The following HRK variants were observed in gnomAD, a reference collection of about 807,000 sequenced individuals.
HRK encodes activator of apoptosis harakiri.
HRK carries 6 observed loss-of-function variants against 5.9 expected under a neutral mutation model. The observed-to-expected ratio is 1.02, with a 90% CI of 0.56 to 2.01. The LOEUF (loss-of-function observed/expected upper bound fraction) is 2.01, where lower values mean the gene tolerates loss of function less well. HRK is among the 30% of genes most tolerant of loss of function. The pLI, the probability that HRK is intolerant of heterozygous loss-of-function variation, is 0.00. For synonymous variants in HRK, 85 were observed against 65.1 expected, an observed-to-expected ratio of 1.31 and a Z score of -1.47; for missense variants, 133 against 128.3, an observed-to-expected ratio of 1.04 and a Z score of -0.18.
chr12:116,871,131 T>C (rs1321798584), intron 1 of HRK, among the ~76,000 whole-genome samples: 6 of 149,238 alleles, frequency 4.0e-5, no homozygotes. Flanking sequence ...TGTTTTGTTT[T>C]GTTTTAGTAG....
At chr12:116,875,522 T>C (rs1878894803) in intron 1 of HRK, among the ~76,000 whole-genome samples, 1 of 152,124 alleles carries the variant, frequency 6.6e-6, no homozygotes, top group Non-Finnish European at 1.5e-5. Flanking sequence ...ATAGTGACTA[T>C]GTTGCATAGT....
At position 116,861,345 on chromosome 12, in the gene HRK, C is replaced by A. The variant is rs1451637408; in HGVS notation, c.*178G>T. On this transcript the variant is annotated 3_prime_UTR_variant, in exon 2 of 2. Transcript: ENST00000257572. ...CCCATTCTGTGTTTCTACGATCGCTCCAGGCGCTGTCTTTACTCTCCACTT... is the reference window on the plus strand; with the variant it reads ...CCCATTCTGTGTTTCTACGATCGCTACAGGCGCTGTCTTTACTCTCCACTT... The A allele has an allele frequency of 1.3e-5, 2 of 152,218 alleles. No individual in the cohort carries two copies. The highest frequency in any genetic ancestry group is 4.8e-5 in the African/African-American group (2 of 41,448). 9.4% of individuals were successfully genotyped at this position (152,218 alleles called of 1,614,324 possible).
Sources: allele counts gnomAD v4.1 joint callset (sites outside exome capture counted in the v4.1 genomes callset), GRCh38; gene constraint gnomAD v4.1.1; transcripts MANE v1.5; gene names NCBI Gene and HGNC (gene_info 2026-07-23, HGNC 2026-07-21).